The following SPMIP11 variants were observed in gnomAD, a reference collection of about 807,000 sequenced individuals.
The protein encoded by SPMIP11 is sperm microtubule inner protein 11, also known as long intergenic non-protein coding RNA 935.
the SPMIP11 span, among the ~76,000 whole-genome samples, chr12:48,737,891 T>C: frequency 1.3e-5 from 2 of 152,142 alleles, no homozygotes; most frequent in African/African-American, 4.8e-5. Flanking sequence ...GGAACGATCA[T>C]GGCTCATTGC....
chr12:48,728,866 C>T, the SPMIP11 span, among the ~76,000 whole-genome samples: 11 of 152,012 alleles, frequency 7.2e-5, no homozygotes, highest in African/African-American at 2.7e-4. Context: ...TAGGAAGGGG[C>T]CAGATAATTG....
the SPMIP11 span, among the ~76,000 whole-genome samples, chr12:48,762,979 C>T: frequency 6.6e-6 from 1 of 151,492 alleles, no homozygotes; most frequent in Non-Finnish European, 1.5e-5. Flanking sequence ...TCAAGTGATC[C>T]TCCCAAAGTG....
At chr12:48,737,383 T>G in the SPMIP11 span, among the ~76,000 whole-genome samples, 1 of 151,962 alleles carries the variant, frequency 6.6e-6, no homozygotes, top group Non-Finnish European at 1.5e-5. Context: ...ATTTATGCTT[T>G]CCATTTCTGA....
chr12:48,760,181 T>G, the SPMIP11 span, among the ~76,000 whole-genome samples: 1 of 152,042 alleles, frequency 6.6e-6, no homozygotes, highest in African/African-American at 2.4e-5. Context: ...ACCTTTTCTT[T>G]TCTTTTCTTG....
the SPMIP11 span, among the ~76,000 whole-genome samples, chr12:48,729,565 C>G: frequency 6.6e-6 from 1 of 151,450 alleles, no homozygotes; most frequent in Non-Finnish European, 1.5e-5. Context: ...AAAAAATTAG[C>G]TGGGCATGGC....
At chr12:48,770,643 C>T in the SPMIP11 span, 2 of 945,442 alleles carry the variant, frequency 2.1e-6, no homozygotes, top group Non-Finnish European at 3.3e-6. Flanking sequence ...TATAGGAGGT[C>T]AGAGGGAAGA....
chr12:48,762,357 T>A, the SPMIP11 span, among the ~76,000 whole-genome samples: 18 of 79,304 alleles, frequency 2.3e-4, no homozygotes, highest in African/African-American at 1.3e-3. Flanking sequence ...CCCGCCCAGC[T>A]TTTTTTTTTT....
the SPMIP11 span, among the ~76,000 whole-genome samples, chr12:48,753,563 A>G: frequency 4.0e-5 from 6 of 151,846 alleles, no homozygotes; most frequent in Non-Finnish European, 8.8e-5. Context: ...CTTCTGCTCA[A>G]TCTCCTAGTC....
At chr12:48,752,214 A>G in the SPMIP11 span, among the ~76,000 whole-genome samples, 2 of 152,354 alleles carry the variant, frequency 1.3e-5, no homozygotes, top group Admixed American at 1.3e-4. Flanking sequence ...CACTATTTAC[A>G]TATAGAACAT....
chr12:48,768,954 C>T, the SPMIP11 span: 1 of 1,613,514 alleles, frequency 6.2e-7, no homozygotes, highest in South Asian at 1.1e-5. Context: ...CGGTCGGGGA[C>T]CCCCGTGCTG....
the SPMIP11 span, among the ~76,000 whole-genome samples, chr12:48,739,065 CT>C: frequency 1.3e-5 from 2 of 151,788 alleles, no homozygotes; most frequent in African/African-American, 4.8e-5. Flanking sequence ...TGAATATATA[CT>C]TTATTTGAAA....
the SPMIP11 span, among the ~76,000 whole-genome samples, chr12:48,760,162 T>TGATG: frequency 2.0e-5 from 3 of 152,074 alleles, no homozygotes; most frequent in African/African-American, 7.2e-5. Flanking sequence ...GCCTCTTTTT[T>TGATG]GATGTTTCAC....
chr12:48,728,220 T>G, the SPMIP11 span, among the ~76,000 whole-genome samples: 2 of 152,150 alleles, frequency 1.3e-5, no homozygotes, highest in Non-Finnish European at 1.5e-5. Flanking sequence ...GAAAGATAAG[T>G]GTGCAAACAA....
the SPMIP11 span, among the ~76,000 whole-genome samples, chr12:48,760,480 T>C: frequency 1.3e-5 from 2 of 151,888 alleles, no homozygotes; most frequent in African/African-American, 4.8e-5. Flanking sequence ...ACCCAGCCCA[T>C]TTACCCTTTA....
the SPMIP11 span, among the ~76,000 whole-genome samples, chr12:48,760,289 T>C: frequency 6.6e-6 from 1 of 152,120 alleles, no homozygotes; most frequent in East Asian, 1.9e-4. Context: ...TCTTCTTGCC[T>C]CAGTCTCCTG....
the SPMIP11 span, among the ~76,000 whole-genome samples, chr12:48,764,113 G>T: frequency 6.6e-6 from 1 of 151,648 alleles, no homozygotes; most frequent in Non-Finnish European, 1.5e-5. Context: ...CTCCTGAGTA[G>T]CTGGGATTAC....
the SPMIP11 span, among the ~76,000 whole-genome samples, chr12:48,758,458 A>G: frequency 3.3e-5 from 5 of 152,334 alleles, no homozygotes; most frequent in East Asian, 9.6e-4. Flanking sequence ...GCTTCCTTGC[A>G]ACCTTCTTTG....
chr12:48,753,692 C>CTTTCTTTTTTTTT, the SPMIP11 span, among the ~76,000 whole-genome samples: 1 of 118,820 alleles, frequency 8.4e-6, no homozygotes, highest in African/African-American at 3.1e-5. Context: ...TTTTTTTTTT[C>CTTTCTTTTTTTTT]TTTTTTTTTT....
the SPMIP11 span, chr12:48,727,547 A>G: frequency 1.4e-6 from 1 of 703,018 alleles, no homozygotes; most frequent in Admixed American, 2.0e-5. Context: ...AAGGAACACA[A>G]CTGAAGAAAC....
Sources: allele counts gnomAD v4.1 joint callset (sites outside exome capture counted in the v4.1 genomes callset), GRCh38; gene constraint gnomAD v4.1.1; transcripts MANE v1.5; gene names NCBI Gene and HGNC (gene_info 2026-07-23, HGNC 2026-07-21).